PRDM6: variants seen among roughly 807,000 people sequenced by gnomAD.
The protein encoded by PRDM6 is putative histone-lysine N-methyltransferase PRDM6.
A neutral mutation model predicts 60.8 loss-of-function variants in PRDM6; 25 were observed. The observed-to-expected ratio is 0.41, with a 90% CI of 0.30 to 0.57. The LOEUF (loss-of-function observed/expected upper bound fraction) is 0.57. Among genes scored for constraint, PRDM6 ranks in the 20% least tolerant of loss-of-function variants. PRDM6 has a pLI of 0.27. For missense variants in PRDM6, 839 were observed against 821.3 expected, an observed-to-expected ratio of 1.02 and a Z score of -0.26; for synonymous variants, 407 against 357.4, an observed-to-expected ratio of 1.14 and a Z score of -1.57.
intron 5 of PRDM6, among the ~76,000 whole-genome samples, chr5:123,166,224 T>C (rs10067127): frequency 0.28 from 42,873 of 151,984 alleles, 6,464 homozygotes; most frequent in East Asian, 0.59. Flanking sequence ...TTTAGTGCCC[T>C]GAGCTCCTTC....
At chr5:123,183,496 A>G (rs1034241479) in intron 7 of PRDM6, among the ~76,000 whole-genome samples, 2 of 152,200 alleles carry the variant, frequency 1.3e-5, no homozygotes, top group African/African-American at 4.8e-5. Flanking sequence ...TGATTGACTG[A>G]AATTCCACTG....
At chr5:123,110,785 C>G (rs1446140651) in intron 3 of PRDM6, among the ~76,000 whole-genome samples, 4 of 152,070 alleles carry the variant, frequency 2.6e-5, no homozygotes, top group African/African-American at 7.2e-5. Context: ...AGGATGGTCT[C>G]GAACTCCCGA....
chr5:123,095,306 ACT>A (rs1359060912), intron 2 of PRDM6, among the ~76,000 whole-genome samples: 2 of 151,998 alleles, frequency 1.3e-5, no homozygotes, highest in Admixed American at 1.3e-4. Flanking sequence ...GACCTTCAAA[ACT>A]CAGCCTTCGG....
At chr5:123,136,448 C>G (rs1466759557) in intron 3 of PRDM6, among the ~76,000 whole-genome samples, 1 of 151,954 alleles carries the variant, frequency 6.6e-6, no homozygotes, top group African/African-American at 2.4e-5. Flanking sequence ...AAGTGTTTTT[C>G]ACTGTTATTA....
chr5:123,134,648 T>C (rs1469489692), intron 3 of PRDM6, among the ~76,000 whole-genome samples: 1 of 152,148 alleles, frequency 6.6e-6, no homozygotes, highest in Non-Finnish European at 1.5e-5. Flanking sequence ...ATAAAATGGT[T>C]TAATTAAATG....
chr5:123,089,424 T>G lies in PRDM6; in HGVS notation c.-111T>G, dbSNP rs902148090. ...CTCTAGGACTCTCCTCCCGCGCTGC[T>G]CAGGGGCATGTAGCGCACGCAGGGC... On this transcript the variant is annotated 5_prime_UTR_variant, in exon 1 of 8. Coordinates refer to ENST00000407847, the MANE Select transcript of PRDM6 (RefSeq NM_001136239.4). The G allele has an allele frequency of 2.0e-5, 3 of 152,158 alleles. No homozygotes were observed. The highest frequency in any genetic ancestry group is 4.9e-5 in the African/African-American group (2 of 40,974). The allele number at this position is 152,158 out of a possible 1,614,324, so 9.4% of individuals were successfully genotyped here.
At chr5:123,161,442 A>AG in intron 5 of PRDM6, among the ~76,000 whole-genome samples, 1 of 152,202 alleles carries the variant, frequency 6.6e-6, no homozygotes, top group African/African-American at 2.4e-5. Context: ...AAAGCAGAAA[A>AG]GGGGTAAAGA....
intron 7 of PRDM6, among the ~76,000 whole-genome samples, chr5:123,184,669 T>C (rs532695163): frequency 1.1e-4 from 16 of 152,356 alleles, no homozygotes; most frequent in Admixed American, 3.3e-4. Flanking sequence ...TTGAGTCAGT[T>C]CTGTTGAGAT....
chr5:123,164,158 G>A (rs1000985580), intron 5 of PRDM6, among the ~76,000 whole-genome samples: 3 of 152,138 alleles, frequency 2.0e-5, no homozygotes, highest in African/African-American at 7.2e-5. Flanking sequence ...GTCTACAAGA[G>A]AACACATAAG....
At chr5:123,152,825 C>A (rs1163563658) in intron 3 of PRDM6, among the ~76,000 whole-genome samples, 1 of 152,194 alleles carries the variant, frequency 6.6e-6, no homozygotes, top group Non-Finnish European at 1.5e-5. Flanking sequence ...GATCACAATA[C>A]AACTCCTTTC....
Position 123,156,014 on chromosome 5 carries a change from A to G in PRDM6, c.1028+3A>G, listed in dbSNP as rs1440767822. The G allele has an allele frequency of 6.5e-7, 1 of 1,549,562 alleles. No individual in the cohort carries two copies. Among genetic ancestry groups the G allele is most frequent in the African/African-American group, 1.4e-5 (1 of 73,066 alleles). ...AATCTAACAGTAGTTCAGTACAGGT[A>G]AAGTATATCTTGATTTACCACCTAC... is the stretch of plus-strand genomic sequence containing the variant. On this transcript the variant is annotated splice_donor_region_variant and intron_variant, in intron 4 of 7. Coordinates refer to ENST00000407847, the MANE Select transcript of PRDM6 (RefSeq NM_001136239.4).
chr5:123,143,031 C>T (rs395352), intron 3 of PRDM6, among the ~76,000 whole-genome samples: 7 of 151,954 alleles, frequency 4.6e-5, no homozygotes, highest in Non-Finnish European at 1.0e-4. Context: ...AGAACCTCCT[C>T]GAAAGTACAT....
intron 2 of PRDM6, among the ~76,000 whole-genome samples, chr5:123,094,781 C>CGCAGGG (rs1376895539): frequency 6.6e-6 from 1 of 152,172 alleles, no homozygotes; most frequent in African/African-American, 2.4e-5. Context: ...ATGGCAGCCT[C>CGCAGGG]GCAGGGGCAG....
chr5:123,161,611 T>C (rs1449765913), intron 5 of PRDM6, among the ~76,000 whole-genome samples: 1 of 152,148 alleles, frequency 6.6e-6, no homozygotes, highest in Non-Finnish European at 1.5e-5. Context: ...AGTCCCAAGA[T>C]GGGAATGTTC....
At chr5:123,142,198 G>C (rs865907934) in intron 3 of PRDM6, among the ~76,000 whole-genome samples, 1 of 151,922 alleles carries the variant, frequency 6.6e-6, no homozygotes, top group Admixed American at 6.6e-5. Context: ...TATCCTTCTG[G>C]GTTCCAACAG....
At chr5:123,143,629 G>T (rs568072163) in intron 3 of PRDM6, among the ~76,000 whole-genome samples, 15 of 152,078 alleles carry the variant, frequency 9.9e-5, no homozygotes, top group African/African-American at 3.6e-4. Flanking sequence ...AGACAGCATG[G>T]TGTCCCAGTG....
At chr5:123,112,123 G>C (rs1011911832) in intron 3 of PRDM6, among the ~76,000 whole-genome samples, 6 of 151,788 alleles carry the variant, frequency 4.0e-5, no homozygotes, top group Non-Finnish European at 5.9e-5. Context: ...GTAAACTGCT[G>C]TGTGTAATTA....
At chr5:123,162,107 C>A (rs1765646029) in intron 5 of PRDM6, among the ~76,000 whole-genome samples, 1 of 152,178 alleles carries the variant, frequency 6.6e-6, no homozygotes, top group African/African-American at 2.4e-5. Flanking sequence ...GGAAGGATGG[C>A]ATGACCACTT....
chr5:123,100,012 G>T, intron 3 of PRDM6, 51 bp downstream of exon 3: 1 of 1,440,698 alleles, frequency 6.9e-7, no homozygotes, highest in Non-Finnish European at 9.2e-7. Context: ...GCCTTGGCCA[G>T]CAGGGAGCCT....
Sources: gnomAD v4.1 joint callset for allele counts (sites outside exome capture counted in the v4.1 genomes callset) on GRCh38, gnomAD v4.1.1 for gene constraint, MANE v1.5 for transcripts, NCBI Gene and HGNC (gene_info 2026-07-23, HGNC 2026-07-21) for gene names.